AGBL4: variants seen among roughly 807,000 people sequenced by gnomAD.
AGBL4 encodes AGBL carboxypeptidase 4.
Under a neutral mutation model 66.4 loss-of-function variants are expected in AGBL4, and 58 were observed. That is an observed-to-expected ratio of 0.87 (90% CI 0.71 to 1.09). The LOEUF is 1.09. Among genes scored for constraint, AGBL4 ranks in the 50% least tolerant of loss-of-function variants. The pLI is 0.00. For missense variants in AGBL4, 579 were observed against 631.0 expected (o/e 0.92, Z 0.88); for synonymous variants, 234 against 222.9 (o/e 1.05, Z -0.44).
At chr1:49,859,909 T>C (rs1292639000) in intron 1 of AGBL4, among the ~76,000 whole-genome samples, 3 of 152,118 alleles carry the variant, frequency 2.0e-5, no homozygotes, top group South Asian at 2.1e-4. Context: ...AAAAAGTCAA[T>C]AGAAGAAATC....
At position 49,459,038 on chromosome 1, in the gene AGBL4, T is replaced by TTCTTTC. The variant is rs1248558915; in HGVS notation, c.283-213180_283-213175dup. On this transcript the variant is annotated intron_variant, in intron 3 of 13. Coordinates refer to ENST00000371839, the MANE Select transcript of AGBL4 (RefSeq NM_032785.4). ...CTTCCTTCCTTCCTTCCTCTTTTCT[T>TTCTTTC]TCTTTCTCTTTCTTTCCTTTTCTTT... is the stretch of plus-strand genomic sequence containing the variant. 7.9e-5 allele frequency among the ~76,000 whole-genome samples: 12 copies of TTCTTTC among 151,574 alleles called. No individual in the cohort carries two copies. The East Asian group carries it at 2.3e-3, about 30-fold the overall frequency.
chr1:49,978,434 A>G (rs2148378783), intron 1 of AGBL4, among the ~76,000 whole-genome samples: 1 of 152,266 alleles, frequency 6.6e-6, no homozygotes, highest in East Asian at 1.9e-4. Flanking sequence ...ACAGAGAGAG[A>G]CCCTATCACT....
At chr1:49,731,417 T>C (rs1392591887) in intron 2 of AGBL4, among the ~76,000 whole-genome samples, 1 of 152,222 alleles carries the variant, frequency 6.6e-6, no homozygotes, top group Non-Finnish European at 1.5e-5. Flanking sequence ...TATTTATTTA[T>C]GTTGTTAGTT....
chr1:49,149,935 A>G (rs1646295116), intron 4 of AGBL4, among the ~76,000 whole-genome samples: 1 of 152,192 alleles, frequency 6.6e-6, no homozygotes, highest in African/African-American at 2.4e-5. Context: ...CTTCACATGC[A>G]CTCATTGAAC....
intron 5 of AGBL4, among the ~76,000 whole-genome samples, chr1:48,985,151 C>G (rs1660082752): frequency 6.6e-6 from 1 of 152,038 alleles, no homozygotes; most frequent in Non-Finnish European, 1.5e-5. Context: ...TCAGTGATCA[C>G]TGTGAGATGG....
At chr1:50,010,027 G>T (rs1337654693) in intron 1 of AGBL4, among the ~76,000 whole-genome samples, 1 of 152,088 alleles carries the variant, frequency 6.6e-6, no homozygotes, top group East Asian at 1.9e-4. Context: ...AAGATATTCG[G>T]CCAGGCGCAG....
chr1:48,587,706 G>A lies in AGBL4; in HGVS notation c.1105-540C>T, dbSNP rs932370154. Among the ~76,000 whole-genome samples the A allele has an allele frequency of 4.0e-4, 61 of 150,924 alleles. 1 individual carries two copies. The highest frequency in any genetic ancestry group is 1.2e-4 in the Non-Finnish European group (8 of 67,828). On this transcript the variant is annotated intron_variant, in intron 10 of 13. Coordinates refer to ENST00000371839, the MANE Select transcript of AGBL4 (RefSeq NM_032785.4). ...CACCCAGGCTGGAGTACAGTGGCGC[G>A]ATCTTGGCTCACTGCAAGCTCCGTC... is the stretch of plus-strand genomic sequence containing the variant.
chr1:49,602,892 G>T (rs145469491), intron 3 of AGBL4, among the ~76,000 whole-genome samples: 134 of 151,826 alleles, frequency 8.8e-4, no homozygotes, highest in African/African-American at 3.1e-3. Context: ...CAAAAGGAAA[G>T]AACTAACTTT....
chr1:49,341,025 T>C (rs1468340581), intron 3 of AGBL4, among the ~76,000 whole-genome samples: 1 of 152,266 alleles, frequency 6.6e-6, no homozygotes, highest in Non-Finnish European at 1.5e-5. Context: ...TCTGCTTTGC[T>C]ATCTTATGTA....
At chr1:49,650,511 C>A (rs994578085) in intron 3 of AGBL4, among the ~76,000 whole-genome samples, 3 of 152,304 alleles carry the variant, frequency 2.0e-5, no homozygotes, top group South Asian at 4.1e-4. Context: ...CATTCACACT[C>A]CCCTCAGGCC....
intron 6 of AGBL4, among the ~76,000 whole-genome samples, chr1:48,697,040 G>T (rs1364304848): frequency 2.0e-5 from 3 of 152,150 alleles, no homozygotes; most frequent in Non-Finnish European, 4.4e-5. Flanking sequence ...CTAGACTGCA[G>T]ACTCTTTGAG....
Position 49,852,264 on chromosome 1 carries a change from G to A in AGBL4, c.35-746C>T, listed in dbSNP as rs376026106. Among the ~76,000 whole-genome samples, 52 of 152,292 alleles carry A rather than the reference G, an allele frequency of 3.4e-4. 1 individual carries two copies. The South Asian group carries it at 9.5e-3, about 28-fold the overall frequency. On this transcript the variant is annotated intron_variant, in intron 1 of 13. Transcript: ENST00000371839. ...AGCCTCACCAAAAAGAGTATGGGAA[G>A]CAAGCAGTGACTCCTTCATGGCAGA...
At chr1:49,496,810 T>C (rs1265987416) in intron 3 of AGBL4, among the ~76,000 whole-genome samples, 1 of 149,560 alleles carries the variant, frequency 6.7e-6, no homozygotes, top group Non-Finnish European at 1.5e-5. Context: ...TTGAATATTG[T>C]GAAAAATGCT....
Position 48,534,283 on chromosome 1 carries a change from AT to A in AGBL4, c.1401del (p.Lys467AsnfsTer28). Reference sequence around the variant, plus strand: ...AGGAGTGGGTGCTTGTAAGGAGGGGATTTTTCTTTCCTGCAAAGGGGGAGAT... The same window carrying A: ...AGGAGTGGGTGCTTGTAAGGAGGGGATTTTCTTTCCTGCAAAGGGGGAGAT... ...KEIEVQRRKE[K>X]SPPYKHPLLR... On this transcript the variant is annotated frameshift_variant, in exon 14 of 14. Coordinates refer to ENST00000371839, the MANE Select transcript of AGBL4 (RefSeq NM_032785.4). LOFTEE classifies it high-confidence loss of function. 1 of 1,549,926 alleles carries A rather than the reference AT, an allele frequency of 6.5e-7. No homozygotes were observed. The highest frequency in any genetic ancestry group is 8.7e-7 in the Non-Finnish European group (1 of 1,146,420).
chr1:49,918,120 C>G (rs544815122), intron 1 of AGBL4, among the ~76,000 whole-genome samples: 2 of 152,170 alleles, frequency 1.3e-5, no homozygotes, highest in South Asian at 4.2e-4. Context: ...GAAATGCCAA[C>G]AAGAGAAAGC....
chr1:49,413,218 A>C lies in AGBL4; in HGVS notation c.283-167354T>G, dbSNP rs370418893. Among the ~76,000 whole-genome samples the C allele has an allele frequency of 1.6e-3, 237 of 152,312 alleles. 1 individual carries two copies. Among genetic ancestry groups the C allele is most frequent in the African/African-American group, 4.9e-3 (203 of 41,570 alleles). On this transcript the variant is annotated intron_variant, in intron 3 of 13. Coordinates refer to ENST00000371839, the MANE Select transcript of AGBL4 (RefSeq NM_032785.4). ...GCACCCAGAATAGAGTTTAGCACTG[A>C]GTAAGTAATCAACACTTCATATTTG...
intron 1 of AGBL4, among the ~76,000 whole-genome samples, chr1:50,021,547 C>T (rs766439493): frequency 1.3e-5 from 2 of 152,172 alleles, no homozygotes; most frequent in Non-Finnish European, 2.9e-5. Flanking sequence ...TCCAGTTGAA[C>T]AAATTAGAAA....
Position 49,446,040 on chromosome 1 carries a change from C to G in AGBL4, c.283-200176G>C, listed in dbSNP as rs149521886. Among the ~76,000 whole-genome samples the G allele has an allele frequency of 3.4e-3, 513 of 152,076 alleles. 1 individual carries two copies. Among genetic ancestry groups the G allele is most frequent in the African/African-American group, 0.012 (481 of 41,500 alleles). On this transcript the variant is annotated intron_variant, in intron 3 of 13. Coordinates refer to ENST00000371839, the MANE Select transcript of AGBL4 (RefSeq NM_032785.4). ...CTAATTTTTGCATTTTTAGTAGAGA[C>G]AGGGTTTCGTCTTGTTGGCCAGGCT...
At chr1:49,764,400 A>G (rs1326028978) in intron 2 of AGBL4, among the ~76,000 whole-genome samples, 1 of 152,100 alleles carries the variant, frequency 6.6e-6, no homozygotes, top group Non-Finnish European at 1.5e-5. Context: ...CAGGCCTATG[A>G]TAGTCCCTTG....
Sources: gnomAD v4.1 joint callset for allele counts (sites outside exome capture counted in the v4.1 genomes callset) on GRCh38, gnomAD v4.1.1 for gene constraint, MANE v1.5 for transcripts, NCBI Gene and HGNC (gene_info 2026-07-23, HGNC 2026-07-21) for gene names.